PTPN1: variants seen among roughly 807,000 people sequenced by gnomAD.
PTPN1 encodes tyrosine-protein phosphatase non-receptor type 1.
In PTPN1, 12 loss-of-function variants were observed where a neutral mutation model predicts 59.9. The observed-to-expected ratio is 0.20, with a 90% CI of 0.13 to 0.32. The LOEUF is 0.32. Ranked by LOEUF, PTPN1 falls within the 10% of genes least tolerant of loss-of-function variation. The probability of loss-of-function intolerance (pLI) is 1.00; values close to 1 mark genes in which losing one functional copy is unlikely to be tolerated. For synonymous variants in PTPN1, 178 were observed against 203.6 expected (o/e 0.87, Z 1.07); for missense variants, 356 against 549.2 (o/e 0.65, Z 3.52).
intron 3 of PTPN1, among the ~76,000 whole-genome samples, chr20:50,567,417 ACT>A (rs1280674590): frequency 2.0e-5 from 3 of 151,962 alleles, no homozygotes; most frequent in Non-Finnish European, 4.4e-5. Context: ...ATGGAGCGAG[ACT>A]CTGCCTCAAA....
At chr20:50,564,829 T>A (rs1392613721) in intron 2 of PTPN1, 140 bp from the exon 3 acceptor site, 2 of 1,330,174 alleles carry the variant, frequency 1.5e-6, no homozygotes, top group Non-Finnish European at 2.0e-6. Flanking sequence ...TGATGACTAA[T>A]CTCAACTAAA....
At chr20:50,539,427 T>G (rs2082638969) in intron 1 of PTPN1, among the ~76,000 whole-genome samples, 1 of 152,190 alleles carries the variant, frequency 6.6e-6, no homozygotes, top group South Asian at 2.1e-4. Context: ...CAGTACATAT[T>G]CATAATAGTT....
chr20:50,547,457 G>T (rs560840161), intron 1 of PTPN1, among the ~76,000 whole-genome samples: 1 of 151,752 alleles, frequency 6.6e-6, no homozygotes, highest in African/African-American at 2.4e-5. Flanking sequence ...TCTGCCTCCC[G>T]GGTTCAAGCG....
chr20:50,524,887 T>C (rs1455005932), intron 1 of PTPN1, among the ~76,000 whole-genome samples: 2 of 151,910 alleles, frequency 1.3e-5, no homozygotes, highest in African/African-American at 4.8e-5. Context: ...TGTGCTCTTA[T>C]TAGCAATTCT....
intron 3 of PTPN1, among the ~76,000 whole-genome samples, chr20:50,567,161 C>T (rs1214280769): frequency 6.6e-6 from 1 of 152,224 alleles, no homozygotes; most frequent in Non-Finnish European, 1.5e-5. Flanking sequence ...GGGACGGTGG[C>T]TTACGCCTGT....
chr20:50,565,134 C>A, intron 3 of PTPN1, 65 bp downstream of exon 3: 2 of 1,482,904 alleles, frequency 1.3e-6, no homozygotes, highest in Non-Finnish European at 9.1e-7. Flanking sequence ...CTGTTATCCA[C>A]ACCTCAAATA....
chr20:50,571,265 C>G (rs1304709942), intron 4 of PTPN1: 1 of 152,266 alleles, frequency 6.6e-6, no homozygotes, highest in Non-Finnish European at 1.5e-5. Flanking sequence ...GGCTGGTTGG[C>G]TTTGCTGTAG....
chr20:50,579,480 G>A, intron 7 of PTPN1, 151 bp downstream of exon 7: 1 of 1,076,240 alleles, frequency 9.3e-7, no homozygotes, highest in South Asian at 1.5e-5. Flanking sequence ...TTGTCAAAAT[G>A]TTCACCATGT....
intron 8 of PTPN1, 62 bp downstream of exon 8, chr20:50,579,988 C>T (rs555457647): frequency 4.7e-4 from 675 of 1,450,406 alleles, no homozygotes; most frequent in Admixed American, 2.3e-3. Flanking sequence ...TCTAGAAACA[C>T]ACGCTGGTAC....
At chr20:50,542,606 A>G (rs6020594) in intron 1 of PTPN1, among the ~76,000 whole-genome samples, 4,068 of 152,274 alleles carry the variant, frequency 0.027, 76 homozygotes, top group African/African-American at 0.057. Context: ...TATAAGGCCT[A>G]AGTTATTCAT....
chr20:50,547,764 T>C (rs769238472), intron 1 of PTPN1, among the ~76,000 whole-genome samples: 1 of 152,236 alleles, frequency 6.6e-6, no homozygotes, highest in African/African-American at 2.4e-5. Context: ...ATGAATCTCA[T>C]TCTAGCTGGA....
intron 8 of PTPN1, among the ~76,000 whole-genome samples, chr20:50,580,271 T>C (rs1357068715): frequency 2.6e-5 from 4 of 152,212 alleles, no homozygotes; most frequent in Non-Finnish European, 5.9e-5. Context: ...TGAAATGTGA[T>C]GTCCAGGCTT....
At position 50,568,360 on chromosome 20, in the gene PTPN1, G is replaced by A; in HGVS notation, c.256-20G>A. On this transcript the variant is annotated intron_variant, in intron 3 of 9. Coordinates refer to ENST00000371621, the MANE Select transcript of PTPN1 (RefSeq NM_002827.4). This position sits in a 1 kb window ranked among gnomAD's most constrained non-coding sequence, Gnocchi z 5.6. Reference sequence around the variant, plus strand: ...TGTTATGTTTCAGATGTCACATGTTGTGTTATTGTGTCTTTGCAGGGCCCT... The same window carrying A: ...TGTTATGTTTCAGATGTCACATGTTATGTTATTGTGTCTTTGCAGGGCCCT... 1 of 1,603,626 alleles carries A rather than the reference G, an allele frequency of 6.2e-7. No individual in the cohort carries two copies. Among genetic ancestry groups the A allele is most frequent in the East Asian group, 2.2e-5 (1 of 44,818 alleles).
chr20:50,582,039 C>T lies in PTPN1; in HGVS notation c.1284+579C>T, dbSNP rs2082871430. On this transcript the variant is annotated intron_variant, in intron 9 of 9. Coordinates refer to ENST00000371621, the MANE Select transcript of PTPN1 (RefSeq NM_002827.4). This position sits in a 1 kb window ranked among gnomAD's most constrained non-coding sequence, Gnocchi z 4.2. ...CAGCTGTGTGCACACTGAGCCAGGA[C>T]AGGGTCTTTGAGCTTTCCCACTATA... Among the ~76,000 whole-genome samples, 1 of 152,250 alleles carries T rather than the reference C, an allele frequency of 6.6e-6. No homozygotes were observed. Among genetic ancestry groups the T allele is most frequent in the Non-Finnish European group, 1.5e-5 (1 of 68,040 alleles).
At chr20:50,550,837 A>G (rs1470156568) in intron 1 of PTPN1, among the ~76,000 whole-genome samples, 2 of 152,242 alleles carry the variant, frequency 1.3e-5, no homozygotes, top group African/African-American at 2.4e-5. Context: ...CTTTAAAATG[A>G]GTAATGCATT....
Position 50,561,085 on chromosome 20 carries a change from C to T in PTPN1, c.64-278C>T, listed in dbSNP as rs866354707. Among the ~76,000 whole-genome samples, 10 of 152,276 alleles carry T rather than the reference C, an allele frequency of 6.6e-5. No individual in the cohort carries two copies. The South Asian group carries it at 1.9e-3, about 28-fold the overall frequency. On this transcript the variant is annotated intron_variant, in intron 1 of 9. Transcript: ENST00000371621. ...CCTGGCATGAGATGTGATCTCCAGC[C>T]CCCATGCCTTTGCTGTGCAGGGTGT...
At position 50,582,522 on chromosome 20, in the gene PTPN1, C is replaced by T. The variant is rs1001956008; in HGVS notation, c.1285-170C>T. Among the ~76,000 whole-genome samples the T allele has an allele frequency of 6.6e-6, 1 of 152,128 alleles. No homozygotes were observed. Among genetic ancestry groups the T allele is most frequent in the African/African-American group, 2.4e-5 (1 of 41,432 alleles). On this transcript the variant is annotated intron_variant, in intron 9 of 9. Coordinates refer to ENST00000371621, the MANE Select transcript of PTPN1 (RefSeq NM_002827.4). This position sits in a 1 kb window ranked among gnomAD's most constrained non-coding sequence, Gnocchi z 4.2. ...TTTTGCAAAATGCAAACAATTTTTT[C>T]CTTGGGGATGATTTTTGGGGAGAGG...
Position 50,561,846 on chromosome 20 carries a change from C to T in PTPN1, c.154+393C>T, listed in dbSNP as rs575826292. The stretch of plus-strand genomic sequence containing the variant: ...TGTAATGAAGCCCCGCACAGGCATT[C>T]GGGGTGGGCACTGTCGTCCCCTGCG... On this transcript the variant is annotated intron_variant, in intron 2 of 9. Transcript: ENST00000371621. Among the ~76,000 whole-genome samples the T allele has an allele frequency of 4.1e-4, 63 of 152,274 alleles. 1 individual carries two copies. Among genetic ancestry groups the T allele is most frequent in the Admixed American group, 3.1e-3 (48 of 15,304 alleles).
intron 1 of PTPN1, among the ~76,000 whole-genome samples, chr20:50,542,693 T>C (rs1190408985): frequency 6.6e-6 from 1 of 152,226 alleles, no homozygotes; most frequent in African/African-American, 2.4e-5. Context: ...TAGTTGTGGC[T>C]TTGAGATATT....
Sources: allele counts gnomAD v4.1 joint callset (sites outside exome capture counted in the v4.1 genomes callset), GRCh38; gene constraint gnomAD v4.1.1; non-coding constraint Gnocchi (gnomAD v3.1); transcripts MANE v1.5; gene names NCBI Gene and HGNC (gene_info 2026-07-23, HGNC 2026-07-21).